Variants in MAST2 observed in about 807,000 individuals in gnomAD.
The protein encoded by MAST2 is microtubule associated serine/threonine kinase 2, also known as microtubule-associated serine/threonine-protein kinase 2.
In MAST2, 70 loss-of-function variants were observed where a neutral mutation model predicts 147.4. The ratio of observed to expected loss-of-function variants is 0.47; its 90% CI spans 0.39 to 0.58. The LOEUF (loss-of-function observed/expected upper bound fraction) is 0.58. MAST2 is among the 20% of genes least tolerant of loss of function. MAST2 has a pLI of 0.00. For missense variants in MAST2, 2,080 were observed against 2,302.3 expected, an observed-to-expected ratio of 0.90 and a Z score of 1.98; for synonymous variants, 869 against 896.8, an observed-to-expected ratio of 0.97 and a Z score of 0.55.
chr1:45,967,072 C>G (rs1011182286), intron 5 of MAST2, among the ~76,000 whole-genome samples: 2 of 151,440 alleles, frequency 1.3e-5, no homozygotes, highest in Non-Finnish European at 2.9e-5. Context: ...TTGGGGAGGC[C>G]CAGGCAGGCT....
intron 4 of MAST2, among the ~76,000 whole-genome samples, chr1:45,930,890 G>A (rs2148710506): frequency 6.6e-6 from 1 of 152,256 alleles, no homozygotes; most frequent in South Asian, 2.1e-4. Context: ...GACCTGCAAA[G>A]CCTAAAATAC....
intron 5 of MAST2, among the ~76,000 whole-genome samples, chr1:45,983,471 A>G (rs902100110): frequency 6.6e-6 from 1 of 151,612 alleles, no homozygotes; most frequent in Admixed American, 6.6e-5. Flanking sequence ...GTCCATTCTA[A>G]ATTTTAGAGT....
intron 4 of MAST2, among the ~76,000 whole-genome samples, chr1:45,907,878 GT>G (rs1324118162): frequency 2.0e-5 from 3 of 152,092 alleles, no homozygotes; most frequent in Admixed American, 2.0e-4. Flanking sequence ...ATTAAAGTCA[GT>G]TTTGGTAAGT....
chr1:46,011,054 C>A, intron 10 of MAST2, 115 bp downstream of exon 10: 1 of 854,320 alleles, frequency 1.2e-6, no homozygotes, highest in Non-Finnish European at 1.8e-6. Flanking sequence ...CTGCTTGTTA[C>A]CCACCCTCAA....
At chr1:45,833,316 G>T (rs1645012769) in intron 3 of MAST2, among the ~76,000 whole-genome samples, 1 of 152,020 alleles carries the variant, frequency 6.6e-6, no homozygotes, top group Non-Finnish European at 1.5e-5. Context: ...TTCTAAAAAG[G>T]ATCATACAAT....
At chr1:45,926,319 T>C (rs1398584196) in intron 4 of MAST2, among the ~76,000 whole-genome samples, 2 of 152,240 alleles carry the variant, frequency 1.3e-5, no homozygotes, top group African/African-American at 4.8e-5. Context: ...GCTTCCATTG[T>C]TGGGAGACTC....
chr1:46,035,021 T>C lies in MAST2; in HGVS notation c.4352T>C (p.Val1451Ala), dbSNP rs1337505290. ...CCCAGGGAAGTGAGCCCTCTGGAGG[T>C]AGTTGGAGCCAGGAGTGTGCTGTCT... ...LPPREVSPLE[V>A]VGARSVLSGK... The change falls in exon 29 of 29, where the codon GTA becomes GCA. Residue 1451 changes from valine to alanine, a missense_variant. Physicochemically the swap from Val to Ala is moderately conservative, Grantham distance 64 (BLOSUM62 0). Around this residue, in one of 4 missense-constraint regions of MAST2, gnomAD observed 1,278 missense variants for 1,304.2 expected, o/e 0.98. Transcript: ENST00000361297. This position sits in a 1 kb window ranked among gnomAD's most constrained non-coding sequence, Gnocchi z 5.5. 6.2e-6 allele frequency: 10 copies of C among 1,613,018 alleles called. No individual in the cohort carries two copies. Among genetic ancestry groups the C allele is most frequent in the Non-Finnish European group, 8.5e-6 (10 of 1,179,852 alleles).
intron 4 of MAST2, among the ~76,000 whole-genome samples, chr1:45,930,391 T>TTTTTG (rs59192448): frequency 0.33 from 47,920 of 147,002 alleles, 8,169 homozygotes; most frequent in African/African-American, 0.4. Context: ...TTTTTTGTTT[T>TTTTTG]TTTTGTTTTG....
chr1:45,948,544 A>T (rs1658438272), intron 4 of MAST2, among the ~76,000 whole-genome samples: 1 of 151,846 alleles, frequency 6.6e-6, no homozygotes. Flanking sequence ...CATCTCTAGT[A>T]AAAATACAAA....
intron 5 of MAST2, among the ~76,000 whole-genome samples, chr1:45,994,310 T>G (rs1434369310): frequency 2.7e-5 from 3 of 110,672 alleles, no homozygotes; most frequent in Non-Finnish European, 3.8e-5. Context: ...GAGAAGGAGT[T>G]TCACTCTGCT....
Position 46,014,481 on chromosome 1 carries a change from C to T in MAST2, c.1188+3542C>T, listed in dbSNP as rs1180958898. On this transcript the variant is annotated intron_variant, in intron 10 of 28. Transcript: ENST00000361297. ...GGGAATGATGATTTCCAATTTCATC[C>T]ATGTCCCTACAAAGGACATGAACTC... Among the ~76,000 whole-genome samples the T allele has an allele frequency of 2.6e-5, 4 of 151,810 alleles. No individual in the cohort carries two copies. In the South Asian group the frequency reaches 8.3e-4, roughly 32 times the overall value.
In MAST2 at chr1:46,019,595, G is replaced by C; in HGVS notation, c.1189-1G>C. 6.2e-7 allele frequency: 1 copy of C among 1,613,458 alleles called. No individual in the cohort carries two copies. The highest frequency in any genetic ancestry group is 8.5e-7 in the Non-Finnish European group (1 of 1,179,586). ...TTAAGCAACGCTTCTTTTCTCTATA[G>C]GCTCATGAGCGCTCAGAGAGCTCAG... On this transcript the variant is annotated splice_acceptor_variant, in intron 10 of 28. Coordinates refer to ENST00000361297, the MANE Select transcript of MAST2 (RefSeq NM_015112.3). LOFTEE classifies it high-confidence loss of function.
intron 4 of MAST2, among the ~76,000 whole-genome samples, chr1:45,904,723 C>T (rs1175964029): frequency 6.6e-6 from 1 of 152,194 alleles, no homozygotes. Context: ...TGCTTGGCCT[C>T]CCAGAGTGCT....
chr1:45,911,184 G>A (rs1437317516), intron 4 of MAST2, among the ~76,000 whole-genome samples: 1 of 152,138 alleles, frequency 6.6e-6, no homozygotes, highest in African/African-American at 2.4e-5. Context: ...CCAGGGAAAT[G>A]TTAGGCCTTC....
At position 46,035,118 on chromosome 1, in the gene MAST2, G is replaced by A. The variant is rs1037352127; in HGVS notation, c.4449G>A (p.Gln1483=). The change falls in exon 29 of 29, where the codon CAG becomes CAA. Residue 1483 remains glutamine (Q), a synonymous_variant. Coordinates refer to ENST00000361297, the MANE Select transcript of MAST2 (RefSeq NM_015112.3). This position sits in a 1 kb window ranked among gnomAD's most constrained non-coding sequence, Gnocchi z 5.5. ...APSRALGTLR[Q]DRAERRESLQ... is the part of the protein sequence containing the mutation. ...CACGGGCCCTAGGCACCCTCCGGCA[G>A]GACCGAGCCGAACGACGGGAGTCGC... 2 of 1,613,548 alleles carry A rather than the reference G, an allele frequency of 1.2e-6. No individual in the cohort carries two copies. The highest frequency in any genetic ancestry group is 1.3e-5 in the African/African-American group (1 of 74,944).
chr1:46,031,468 C>T lies in MAST2; in HGVS notation c.3070C>T (p.Arg1024Cys), dbSNP rs778296919. The T allele has an allele frequency of 5.0e-6, 8 of 1,613,992 alleles. No individual in the cohort carries two copies. In the Admixed American group the frequency reaches 5.0e-5, roughly 10 times the overall value. The stretch of plus-strand genomic sequence containing the variant: ...CAAGGCCATCAGTGACCTGGCTGTG[C>T]GTAGGGCCCGCCACCGGCTGCTCTC... The part of the protein sequence containing the change: ...TAKAISDLAV[R>C]RARHRLLSGD... Residue 1024 changes from arginine (R) to cysteine (C), a missense_variant, in exon 24 of 29, where the codon CGT becomes TGT. Physicochemically the swap from Arg to Cys is radical, Grantham distance 180. This residue lies in a region of MAST2 where 1,278 missense variants were observed against 1,304.2 expected (regional missense o/e 0.98). Transcript: ENST00000361297. This position sits in a 1 kb window ranked among gnomAD's most constrained non-coding sequence, Gnocchi z 4.1.
At chr1:45,824,603 T>A in intron 2 of MAST2, 23 bp downstream of exon 2, 1 of 1,562,188 alleles carries the variant, frequency 6.4e-7, no homozygotes, top group Non-Finnish European at 8.7e-7. Flanking sequence ...TTTTGTTGTT[T>A]TAAGAAATGT....
chr1:46,028,129 C>G (rs1262368149), intron 17 of MAST2, among the ~76,000 whole-genome samples: 1 of 152,184 alleles, frequency 6.6e-6, no homozygotes, highest in African/African-American at 2.4e-5. Context: ...CTTTGGGTTC[C>G]AGAGAGGCAC....
chr1:45,980,297 A>C (rs1282664203), intron 5 of MAST2, among the ~76,000 whole-genome samples: 14 of 144,896 alleles, frequency 9.7e-5, no homozygotes, highest in Admixed American at 3.5e-4. Context: ...AAAAAAAAAA[A>C]GGCAACAAAA....
Sources: gnomAD v4.1 joint callset for allele counts (sites outside exome capture counted in the v4.1 genomes callset) on GRCh38, gnomAD v4.1.1 for gene constraint, gnomAD v4.1.1 regional missense constraint, Gnocchi (gnomAD v3.1) non-coding constraint, MANE v1.5 for transcripts, NCBI Gene and HGNC (gene_info 2026-07-23, HGNC 2026-07-21) for gene names.